The following ADGRV1 variants were observed in gnomAD, a reference collection of about 807,000 sequenced individuals.
The protein encoded by ADGRV1 is G-protein coupled receptor 98.
A neutral mutation model predicts 596.2 loss-of-function variants in ADGRV1; 359 were observed. That is an observed-to-expected ratio of 0.60 (90% confidence interval 0.55 to 0.66). ADGRV1 has a LOEUF of 0.66. Ranked by LOEUF, ADGRV1 falls within the 30% of genes least tolerant of loss-of-function variation. The pLI is 0.00. For synonymous variants in ADGRV1, 2,681 were observed against 2,679.2 expected (o/e 1.00, Z -0.02); for missense variants, 7,274 against 7,575.6 (o/e 0.96, Z 1.48).
At chr5:90,820,453 G>A (rs1458244105) in intron 75 of ADGRV1, among the ~76,000 whole-genome samples, 1 of 151,254 alleles carries the variant, frequency 6.6e-6, no homozygotes, top group South Asian at 2.1e-4. Flanking sequence ...ATTTGATCCT[G>A]TCATTATGAT....
rs756805245 is a variant in ADGRV1, at chr5:90,627,609, G to A, written c.1071G>A (p.Ser357=). The A allele has an allele frequency of 2.4e-5, 39 of 1,613,802 alleles. No individual in the cohort carries two copies. The Admixed American group carries it at 3.2e-4, about 13-fold the overall frequency. The part of the protein sequence containing the change: ...VDDTIPEIAE[S]FHIMLLKDTL... ...ACACCATACCGGAGATTGCTGAATC[G>A]TTTCACATTATGTTACTAAAAGATA... Residue 357 remains serine (S), a synonymous_variant, in exon 7 of 90, where the codon TCG becomes TCA. Coordinates refer to ENST00000405460, the MANE Select transcript of ADGRV1 (RefSeq NM_032119.4).
chr5:91,060,091 A>G (rs1403077593), intron 85 of ADGRV1, among the ~76,000 whole-genome samples: 1 of 152,230 alleles, frequency 6.6e-6, no homozygotes, highest in Non-Finnish European at 1.5e-5. Context: ...GATTTGAGAC[A>G]TAAGTCATCT....
chr5:90,652,275 C>T, intron 18 of ADGRV1, 71 bp from the exon 19 acceptor site: 2 of 1,100,212 alleles, frequency 1.8e-6, no homozygotes, highest in Non-Finnish European at 2.5e-6. Context: ...AATATGTTTC[C>T]TTAATAACAC....
rs138026911 is a variant in ADGRV1 at position 91,089,550 on chromosome 5, T to C, written c.18311-12669T>C. On this transcript the variant is annotated intron_variant, in intron 86 of 89. Coordinates refer to ENST00000405460, the MANE Select transcript of ADGRV1 (RefSeq NM_032119.4). ...GGCATTTATCCAGATTGAGGGTCTA[T>C]CAGAAAATAGTTCTGGGAACTGACA... is the stretch of plus-strand genomic sequence containing the variant. Among the ~76,000 whole-genome samples the C allele has an allele frequency of 5.3e-3, 805 of 152,282 alleles. 6 individuals are homozygous for C. Among genetic ancestry groups the C allele is most frequent in the African/African-American group, 0.018 (767 of 41,562 alleles).
intron 83 of ADGRV1, among the ~76,000 whole-genome samples, chr5:90,882,517 A>C (rs1769893304): frequency 6.6e-6 from 1 of 152,164 alleles, no homozygotes; most frequent in African/African-American, 2.4e-5. Context: ...ATATTTCTTC[A>C]TTACAGCCTT....
chr5:91,027,613 A>G (rs190856170), intron 85 of ADGRV1, among the ~76,000 whole-genome samples: 1 of 152,270 alleles, frequency 6.6e-6, no homozygotes, highest in East Asian at 1.9e-4. Context: ...TTTTGCTTTC[A>G]GGGGAGGGGG....
intron 75 of ADGRV1, among the ~76,000 whole-genome samples, chr5:90,820,545 G>A (rs193112127): frequency 0.083 from 12,575 of 151,732 alleles, 696 homozygotes; most frequent in Middle Eastern, 0.19. Flanking sequence ...ATTTTGCAGC[G>A]GCTGGTACCG....
intron 57 of ADGRV1, among the ~76,000 whole-genome samples, chr5:90,759,191 A>G (rs1756171951): frequency 6.6e-6 from 1 of 152,232 alleles, no homozygotes; most frequent in Non-Finnish European, 1.5e-5. Flanking sequence ...AATGCCATAA[A>G]TATACATGCC....
At chr5:90,815,290 A>T (rs558791140) in intron 74 of ADGRV1, among the ~76,000 whole-genome samples, 1 of 152,302 alleles carries the variant, frequency 6.6e-6, no homozygotes, top group South Asian at 2.1e-4. Flanking sequence ...TCTGTGAGGG[A>T]TATATAGCCT....
At chr5:90,820,611 G>T (rs1353959455) in intron 75 of ADGRV1, among the ~76,000 whole-genome samples, 1 of 151,010 alleles carries the variant, frequency 6.6e-6, no homozygotes, top group Non-Finnish European at 1.5e-5. Context: ...GGCAGGCCTG[G>T]TGGTGACAAA....
chr5:91,005,378 A>AT lies in ADGRV1; in HGVS notation c.18152+19863dup, dbSNP rs538505790. Among the ~76,000 whole-genome samples the AT allele has an allele frequency of 5.5e-3, 764 of 139,740 alleles. 3 individuals carry two copies. Among genetic ancestry groups the AT allele is most frequent in the Non-Finnish European group, 7.4e-3 (491 of 66,166 alleles). The allele number at this position is 139,740 out of a possible 152,430, so 91.7% of individuals were successfully genotyped here. On this transcript the variant is annotated intron_variant, in intron 85 of 89. Transcript: ENST00000405460. The stretch of plus-strand genomic sequence containing the variant: ...GCTATTGCTGTGTATATATATATAT[A>AT]TTTTTTTGAAGTGCAGTGGCGCAAT...
At chr5:90,864,448 T>C (rs1333715766) in intron 83 of ADGRV1, among the ~76,000 whole-genome samples, 1 of 152,186 alleles carries the variant, frequency 6.6e-6, no homozygotes, top group Non-Finnish European at 1.5e-5. Context: ...CATACGGTGT[T>C]CATAGTCTAG....
intron 29 of ADGRV1, among the ~76,000 whole-genome samples, chr5:90,688,137 C>T (rs542906956): frequency 1.3e-4 from 20 of 151,982 alleles, no homozygotes; most frequent in African/African-American, 4.8e-4. Flanking sequence ...GCTACCTGAC[C>T]TCAAACTATA....
At chr5:91,135,139 A>G (rs1250162244) in intron 87 of ADGRV1, among the ~76,000 whole-genome samples, 1 of 151,100 alleles carries the variant, frequency 6.6e-6, no homozygotes, top group Non-Finnish European at 1.5e-5. Context: ...AGATCGTGCC[A>G]CTGCACTCCA....
chr5:90,651,948 C>A (rs1768688459), intron 18 of ADGRV1, among the ~76,000 whole-genome samples: 1 of 150,340 alleles, frequency 6.7e-6, no homozygotes. Flanking sequence ...ATTCTCCCCA[C>A]CCCCCTCGTT....
chr5:90,647,732 A>G lies in ADGRV1; in HGVS notation c.3257A>G (p.Glu1086Gly), dbSNP rs1349809454. ...VNEDGIPETD[E>G]PFYIILLNST... ...GAAGATGGTATCCCGGAAACAGATG[A>G]GCCCTTTTATATAATCCTCTTGAAT... Residue 1086 changes from glutamate (E) to glycine (G), a missense_variant, in exon 17 of 90, where the codon GAG (glutamate) becomes GGG (glycine). Glu to Gly is a moderately conservative substitution (Grantham distance 98). Coordinates refer to ENST00000405460, the MANE Select transcript of ADGRV1 (RefSeq NM_032119.4). The G allele has an allele frequency of 6.2e-7, 1 of 1,613,574 alleles. No individual in the cohort carries two copies. The highest frequency in any genetic ancestry group is 8.5e-7 in the Non-Finnish European group (1 of 1,179,656).
chr5:90,977,679 A>G (rs1419831002), intron 84 of ADGRV1, among the ~76,000 whole-genome samples: 3 of 152,206 alleles, frequency 2.0e-5, no homozygotes, highest in Admixed American at 2.0e-4. Flanking sequence ...GGATATTGGG[A>G]AAAATAGTAG....
rs1053909340 is a variant in ADGRV1 at position 90,666,910 on chromosome 5, C to A, written c.4753-5636C>A. 8.5e-3 allele frequency among the ~76,000 whole-genome samples: 1,294 copies of A among 151,600 alleles called. 12 individuals are homozygous for A. The highest frequency in any genetic ancestry group is 0.013 in the Non-Finnish European group (903 of 67,782). On this transcript the variant is annotated intron_variant, in intron 21 of 89. Transcript: ENST00000405460. ...GATATGAAATTCTGGGTTGAAAATT[C>A]TTTTCTTTAAGAATGTTGAATATTG... is the stretch of plus-strand genomic sequence containing the variant.
At chr5:91,154,136 C>G (rs749745041) in intron 89 of ADGRV1, among the ~76,000 whole-genome samples, 4 of 152,030 alleles carry the variant, frequency 2.6e-5, no homozygotes, top group Non-Finnish European at 5.9e-5. Context: ...AAAAGAAAAC[C>G]GTAAACTAAT....
Sources: allele counts gnomAD v4.1 joint callset (sites outside exome capture counted in the v4.1 genomes callset), GRCh38; gene constraint gnomAD v4.1.1; transcripts MANE v1.5; gene names NCBI Gene and HGNC (gene_info 2026-07-23, HGNC 2026-07-21).